PON3: variants seen among roughly 807,000 people sequenced by gnomAD.
PON3 encodes serum paraoxonase/lactonase 3.
Under a neutral mutation model 36.3 loss-of-function variants are expected in PON3, and 37 were observed. That is an observed-to-expected ratio of 1.02 (90% confidence interval 0.78 to 1.34). The LOEUF is 1.34. Ranked by LOEUF, PON3 falls within the 40% of genes most tolerant of loss-of-function variation. The pLI, the probability that PON3 is intolerant of heterozygous loss-of-function variation, is 0.00. For missense variants in PON3, 415 were observed against 426.5 expected, an observed-to-expected ratio of 0.97 and a Z score of 0.24; for synonymous variants, 155 against 154.8, an observed-to-expected ratio of 1.00 and a Z score of -0.01.
chr7:95,375,422 A>G (rs1413961512), intron 3 of PON3, among the ~76,000 whole-genome samples: 1 of 151,530 alleles, frequency 6.6e-6, no homozygotes. Context: ...ATCTTATCTC[A>G]CATCTTCCCT....
At chr7:95,390,963 C>A (rs559816094) in intron 2 of PON3, among the ~76,000 whole-genome samples, 6 of 152,306 alleles carry the variant, frequency 3.9e-5, no homozygotes, top group African/African-American at 1.4e-4. Context: ...CTTTCCCACA[C>A]ACTTATTAGC....
chr7:95,380,485 A>C (rs1409927295), intron 3 of PON3, among the ~76,000 whole-genome samples: 1 of 152,208 alleles, frequency 6.6e-6, no homozygotes, highest in East Asian at 1.9e-4. Context: ...AACTAGAGTA[A>C]CCAATGCAGA....
intron 3 of PON3, among the ~76,000 whole-genome samples, chr7:95,389,018 G>T (rs564505430): frequency 6.6e-6 from 1 of 152,134 alleles, no homozygotes; most frequent in African/African-American, 2.4e-5. Context: ...TAGGAAACCA[G>T]CATGGCACAT....
At chr7:95,365,877 T>G (rs1325481074) in intron 5 of PON3, 1 of 152,200 alleles carries the variant, frequency 6.6e-6, no homozygotes. Context: ...TATATCTGCC[T>G]GTCTTCTTGC....
At chr7:95,381,711 T>G (rs946876226) in intron 3 of PON3, among the ~76,000 whole-genome samples, 4 of 152,078 alleles carry the variant, frequency 2.6e-5, no homozygotes, top group African/African-American at 9.7e-5. Context: ...AGCAAGTCCT[T>G]AGAGACCTAC....
chr7:95,390,011 T>C (rs1809284034), intron 3 of PON3, 143 bp downstream of exon 3: 4 of 893,242 alleles, frequency 4.5e-6, no homozygotes, highest in Non-Finnish European at 7.5e-6. Context: ...TCCAAAATTC[T>C]GTTTTGGCTT....
chr7:95,381,464 T>C (rs1809052644), intron 3 of PON3, among the ~76,000 whole-genome samples: 1 of 152,076 alleles, frequency 6.6e-6, no homozygotes, highest in South Asian at 2.1e-4. Flanking sequence ...ACCCATCTCA[T>C]GTGCAGAGAC....
At chr7:95,382,707 A>G (rs1410437179) in intron 3 of PON3, among the ~76,000 whole-genome samples, 1 of 152,216 alleles carries the variant, frequency 6.6e-6, no homozygotes, top group Admixed American at 6.5e-5. Context: ...TGAGACAATA[A>G]TTAATAGCTT....
At chr7:95,363,700 G>C in intron 6 of PON3, 163 bp downstream of exon 6, 3 of 729,602 alleles carry the variant, frequency 4.1e-6, no homozygotes, top group Non-Finnish European at 7.1e-6. Flanking sequence ...GAAACAAATG[G>C]ATTGCTTAGG....
intron 2 of PON3, among the ~76,000 whole-genome samples, chr7:95,391,958 C>T (rs1226757728): frequency 6.6e-6 from 1 of 152,172 alleles, no homozygotes; most frequent in Non-Finnish European, 1.5e-5. Flanking sequence ...AGGAAACGAT[C>T]TTGGCTCATA....
chr7:95,380,100 G>A (rs998782454), intron 3 of PON3, among the ~76,000 whole-genome samples: 2 of 152,206 alleles, frequency 1.3e-5, no homozygotes, highest in African/African-American at 4.8e-5. Flanking sequence ...CAGGGTCGGA[G>A]TGGACCTCCA....
chr7:95,362,371 T>C lies in PON3; in HGVS notation c.897A>G (p.Pro299=), dbSNP rs200514020. ...KLLNYNPEDP[P]GSEVLRIQNV... ...AGGTATAGGAACTTACTTCTGATCC[T>C]GGAGGGTCCTCAGGGTTATAGTTCA... The change falls in exon 8 of 9, where the codon CCA becomes CCG. Residue 299 remains proline, a synonymous_variant. Transcript: ENST00000265627. 4.6e-5 allele frequency: 74 copies of C among 1,613,768 alleles called. No individual in the cohort carries two copies. The highest frequency in any genetic ancestry group is 6.1e-5 in the Non-Finnish European group (72 of 1,179,728).
At chr7:95,393,514 TGTTAGCAATGTCAGGAA>T (rs1324358929) in intron 2 of PON3, among the ~76,000 whole-genome samples, 2 of 152,172 alleles carry the variant, frequency 1.3e-5, no homozygotes, top group African/African-American at 4.8e-5. Flanking sequence ...TTTATTTTTC[TGTTAGCAATGTCAGGAA>T]GAATTGGAGC....
At chr7:95,374,222 T>C (rs906344505) in intron 3 of PON3, among the ~76,000 whole-genome samples, 1 of 152,206 alleles carries the variant, frequency 6.6e-6, no homozygotes, top group African/African-American at 2.4e-5. Context: ...CTTTACTTAC[T>C]ACTTCTCTGA....
At chr7:95,372,877 T>A (rs1387978836) in intron 3 of PON3, among the ~76,000 whole-genome samples, 1 of 152,236 alleles carries the variant, frequency 6.6e-6, no homozygotes, top group African/African-American at 2.4e-5. Context: ...TATAGTTGAC[T>A]ATTTTTGACC....
At chr7:95,393,514 T>C (rs1001885351) in intron 2 of PON3, among the ~76,000 whole-genome samples, 2 of 152,172 alleles carry the variant, frequency 1.3e-5, no homozygotes, top group Admixed American at 6.5e-5. Flanking sequence ...TTTATTTTTC[T>C]GTTAGCAATG....
At chr7:95,374,178 C>T (rs1327422211) in intron 3 of PON3, among the ~76,000 whole-genome samples, 1 of 152,112 alleles carries the variant, frequency 6.6e-6, no homozygotes, top group Non-Finnish European at 1.5e-5. Context: ...GTTCTAGAGC[C>T]CATACTTTCT....
intron 5 of PON3, 23 bp downstream of exon 5, chr7:95,367,339 C>A (rs376157171): frequency 2.5e-6 from 4 of 1,608,712 alleles, no homozygotes; most frequent in Non-Finnish European, 3.4e-6. Context: ...TAAATAGAAC[C>A]GCACAATACT....
chr7:95,382,966 A>T (rs1809096061), intron 3 of PON3, among the ~76,000 whole-genome samples: 1 of 152,182 alleles, frequency 6.6e-6, no homozygotes, highest in Non-Finnish European at 1.5e-5. Flanking sequence ...AAATACTAGC[A>T]AACCAAATCC....
Sources: allele counts gnomAD v4.1 joint callset (sites outside exome capture counted in the v4.1 genomes callset), GRCh38; gene constraint gnomAD v4.1.1; transcripts MANE v1.5; gene names NCBI Gene and HGNC (gene_info 2026-07-23, HGNC 2026-07-21).